Variants in SLC25A21 observed in about 807,000 individuals in gnomAD.
SLC25A21 encodes mitochondrial 2-oxodicarboxylate carrier.
A neutral mutation model predicts 43.8 loss-of-function variants in SLC25A21; 47 were observed. The observed-to-expected ratio is 1.07, with a 90% CI of 0.85 to 1.37. The LOEUF (loss-of-function observed/expected upper bound fraction) is 1.37, where lower values mean the gene tolerates loss of function less well. Ranked by LOEUF, SLC25A21 falls within the 40% of genes most tolerant of loss-of-function variation. The pLI, the probability that SLC25A21 is intolerant of heterozygous loss-of-function variation, is 0.00. For synonymous variants in SLC25A21, 131 were observed against 121.3 expected (o/e 1.08, Z -0.52); for missense variants, 352 against 350.2 (o/e 1.00, Z -0.04).
chr14:36,734,815 G>C (rs1884968993), intron 3 of SLC25A21, among the ~76,000 whole-genome samples: 1 of 152,164 alleles, frequency 6.6e-6, no homozygotes, highest in Non-Finnish European at 1.5e-5. Flanking sequence ...ATGACCATTA[G>C]TTGTACCTTA....
chr14:37,042,308 G>A (rs1961490781), intron 1 of SLC25A21, among the ~76,000 whole-genome samples: 1 of 152,184 alleles, frequency 6.6e-6, no homozygotes, highest in South Asian at 2.1e-4. Flanking sequence ...TGGGGAGGGG[G>A]AAATCTTTTA....
chr14:36,714,452 T>A (rs927980612), intron 6 of SLC25A21, among the ~76,000 whole-genome samples: 3 of 152,210 alleles, frequency 2.0e-5, no homozygotes, highest in Admixed American at 6.5e-5. Flanking sequence ...CTTTCCTCTC[T>A]GGAGCAGTAA....
At chr14:36,863,412 A>G (rs753490487) in intron 2 of SLC25A21, among the ~76,000 whole-genome samples, 2 of 151,022 alleles carry the variant, frequency 1.3e-5, no homozygotes, top group Non-Finnish European at 2.9e-5. Context: ...TAGACAAAAC[A>G]GAAATTAAAG....
chr14:36,778,165 A>G (rs1211437630), intron 3 of SLC25A21, among the ~76,000 whole-genome samples: 1 of 152,180 alleles, frequency 6.6e-6, no homozygotes, highest in Non-Finnish European at 1.5e-5. Flanking sequence ...TAATTGCAGC[A>G]TACCCAAGCT....
chr14:37,077,871 A>C (rs982980454), intron 1 of SLC25A21, among the ~76,000 whole-genome samples: 1 of 152,184 alleles, frequency 6.6e-6, no homozygotes, highest in African/African-American at 2.4e-5. Flanking sequence ...CCTTAATGTT[A>C]ATCCACTCTG....
At chr14:37,009,691 C>A (rs971810392) in intron 1 of SLC25A21, among the ~76,000 whole-genome samples, 3 of 152,132 alleles carry the variant, frequency 2.0e-5, no homozygotes, top group African/African-American at 7.2e-5. Context: ...GAGCAAATTA[C>A]TTTTTCCAAT....
intron 1 of SLC25A21, among the ~76,000 whole-genome samples, chr14:37,024,206 G>A (rs978982724): frequency 1.3e-5 from 2 of 152,066 alleles, no homozygotes; most frequent in East Asian, 1.9e-4. Context: ...CCTCTCTGGG[G>A]CAGTCCTTTT....
chr14:36,988,719 T>C (rs148366005), intron 1 of SLC25A21, among the ~76,000 whole-genome samples: 2 of 152,320 alleles, frequency 1.3e-5, no homozygotes, highest in African/African-American at 4.8e-5. Context: ...TCTGTAATTT[T>C]AGAAACTCCC....
At chr14:37,000,476 C>T (rs1298195114) in intron 1 of SLC25A21, among the ~76,000 whole-genome samples, 2 of 152,174 alleles carry the variant, frequency 1.3e-5, no homozygotes, top group Non-Finnish European at 2.9e-5. Flanking sequence ...GTGTTCCAGG[C>T]TCAGTGGCCT....
intron 1 of SLC25A21, among the ~76,000 whole-genome samples, chr14:36,986,911 AT>A: frequency 6.6e-6 from 1 of 152,232 alleles, no homozygotes; most frequent in Non-Finnish European, 1.5e-5. Flanking sequence ...CTAATCAACC[AT>A]ATTTTGTCTT....
intron 1 of SLC25A21, among the ~76,000 whole-genome samples, chr14:36,987,575 G>A (rs1297593482): frequency 2.6e-5 from 4 of 151,860 alleles, no homozygotes; most frequent in Admixed American, 2.0e-4. Flanking sequence ...ATAATATATC[G>A]TTAATATTTC....
In SLC25A21 at chr14:36,678,437, T is replaced by A. The variant is rs1566482198; in HGVS notation, c.*2221A>T. 7 of 1,446,062 alleles carry A rather than the reference T, an allele frequency of 4.8e-6. No individual in the cohort carries two copies. The highest frequency in any genetic ancestry group is 5.6e-6 in the Non-Finnish European group (6 of 1,063,676). 89.6% of individuals were successfully genotyped at this position (1,446,062 alleles called of 1,614,324 possible). A position where few individuals can be genotyped will look rare whatever the true frequency, so the allele number is the denominator to read the frequency against. On this transcript the variant is annotated 3_prime_UTR_variant, in exon 10 of 10. Transcript: ENST00000331299. ...AGCAGATGAACTCTCAGGGCCATAG[T>A]CTTCCTTTGATCTTGTAAAACTTCC... is the stretch of plus-strand genomic sequence containing the variant.
At chr14:36,708,909 A>G (rs1480897641) in intron 7 of SLC25A21, among the ~76,000 whole-genome samples, 3 of 151,618 alleles carry the variant, frequency 2.0e-5, no homozygotes, top group East Asian at 1.9e-4. Context: ...ACAATTGAGA[A>G]CATTTAATAA....
chr14:36,707,550 C>A (rs941032182), intron 7 of SLC25A21, among the ~76,000 whole-genome samples: 3 of 152,092 alleles, frequency 2.0e-5, no homozygotes, highest in African/African-American at 7.2e-5. Flanking sequence ...CACTTATTTA[C>A]TAGTACAATC....
intron 1 of SLC25A21, among the ~76,000 whole-genome samples, chr14:36,988,535 G>T (rs147678051): frequency 6.6e-6 from 1 of 152,244 alleles, no homozygotes; most frequent in East Asian, 1.9e-4. Flanking sequence ...TTTATTTCAC[G>T]ATATTTCAAC....
rs187066919 is a variant in SLC25A21 at position 37,029,283 on chromosome 14, G to A, written c.70+142998C>T. On this transcript the variant is annotated intron_variant, in intron 1 of 9. Transcript: ENST00000331299. ...CTAACTGAGATCTTCAAAAATGATA[G>A]AGCACATGAAGCCAGTCTACATTCT... is the stretch of plus-strand genomic sequence containing the variant. Among the ~76,000 whole-genome samples, 57 of 152,236 alleles carry A rather than the reference G, an allele frequency of 3.7e-4. 1 individual carries two copies. The East Asian group carries it at 0.01, about 28-fold the overall frequency.
At chr14:37,135,770 T>G (rs1336334269) in intron 1 of SLC25A21, among the ~76,000 whole-genome samples, 1 of 152,192 alleles carries the variant, frequency 6.6e-6, no homozygotes, top group Non-Finnish European at 1.5e-5. Flanking sequence ...GAAGCCAAAT[T>G]ACCTCGGTTT....
chr14:37,118,756 T>C (rs1963151777), intron 1 of SLC25A21, among the ~76,000 whole-genome samples: 1 of 152,176 alleles, frequency 6.6e-6, no homozygotes, highest in African/African-American at 2.4e-5. Flanking sequence ...ATGGTTTCCT[T>C]ACCTAGTAAT....
intron 1 of SLC25A21, among the ~76,000 whole-genome samples, chr14:37,018,196 T>A (rs978295867): frequency 2.0e-5 from 3 of 152,056 alleles, no homozygotes; most frequent in Non-Finnish European, 2.9e-5. Context: ...CATGTACATA[T>A]ACATTGTCAA....
Sources: gnomAD v4.1 joint callset for allele counts (sites outside exome capture counted in the v4.1 genomes callset) on GRCh38, gnomAD v4.1.1 for gene constraint, MANE v1.5 for transcripts, NCBI Gene and HGNC (gene_info 2026-07-23, HGNC 2026-07-21) for gene names.